The following ZNF93 variants were observed in gnomAD, a reference collection of about 807,000 sequenced individuals.
ZNF93 encodes zinc finger protein 93.
A neutral mutation model predicts 45.0 loss-of-function variants in ZNF93; 29 were observed. The observed-to-expected ratio is 0.64, with a 90% CI of 0.48 to 0.88. ZNF93 has a LOEUF of 0.88. Among genes scored for constraint, ZNF93 ranks in the 40% least tolerant of loss-of-function variants. ZNF93 has a pLI of 0.00. For missense variants in ZNF93, 578 were observed against 724.0 expected, an observed-to-expected ratio of 0.80 and a Z score of 2.31; for synonymous variants, 223 against 244.6, an observed-to-expected ratio of 0.91 and a Z score of 0.82.
intron 2 of ZNF93, 134 bp from the exon 3 acceptor site, chr19:19,916,426 A>C (rs1740037189): frequency 1.4e-6 from 1 of 719,954 alleles, no homozygotes; most frequent in Non-Finnish European, 2.2e-6. Flanking sequence ...AATATCTATA[A>C]ATTTCTGTTA....
At chr19:19,903,444 T>C (rs975262070) in intron 1 of ZNF93, among the ~76,000 whole-genome samples, 9 of 152,096 alleles carry the variant, frequency 5.9e-5, no homozygotes, top group South Asian at 2.1e-4. Context: ...TTAGGAAATA[T>C]TTTATTTTAG....
intron 3 of ZNF93, among the ~76,000 whole-genome samples, chr19:19,921,448 T>G (rs1431612347): frequency 1.3e-5 from 2 of 152,198 alleles, no homozygotes; most frequent in Admixed American, 1.3e-4. Flanking sequence ...TCTGTGGATG[T>G]CTGTTAGGTC....
chr19:19,922,022 C>A (rs1212779210), intron 3 of ZNF93, among the ~76,000 whole-genome samples: 1 of 152,166 alleles, frequency 6.6e-6, no homozygotes, highest in Admixed American at 6.5e-5. Context: ...TTCGTTGATG[C>A]AGTTTCTTCT....
rs1327427827 is a variant in ZNF93, at chr19:19,916,342, CCTGCTTTGGCCT to C, written c.131-216_131-205del. ...GGCCTCCCCCTGATCTCATGATCCA[CCTGCTTTGGCCT>C]CCCAAATTGCTGGGATCACAGGCGT... On this transcript the variant is annotated intron_variant, in intron 2 of 3. Coordinates refer to ENST00000343769, the MANE Select transcript of ZNF93 (RefSeq NM_031218.4). Among the ~76,000 whole-genome samples the C allele has an allele frequency of 1.2e-4, 19 of 152,282 alleles. No homozygotes were observed. The East Asian group carries it at 1.9e-3, about 15-fold the overall frequency.
intron 3 of ZNF93, among the ~76,000 whole-genome samples, chr19:19,923,551 G>T (rs1459113355): frequency 6.6e-6 from 1 of 152,194 alleles, no homozygotes; most frequent in Non-Finnish European, 1.5e-5. Context: ...TCCTTGAGCT[G>T]TGGTGGGCTC....
At chr19:19,913,840 T>A (rs966999556) in intron 1 of ZNF93, among the ~76,000 whole-genome samples, 6 of 152,262 alleles carry the variant, frequency 3.9e-5, no homozygotes, top group Admixed American at 3.3e-4. Flanking sequence ...AAAATGGCTT[T>A]TCTTCAGGTA....
rs2063366920 is a variant in ZNF93, at chr19:19,929,727, A to G, written c.227-3455A>G. ...GCCGAGGCGGGCGGATCACGAGGTCAGGAGATCGAGACCATCCCGGCTAAA... is the reference window on the plus strand; with the variant it reads ...GCCGAGGCGGGCGGATCACGAGGTCGGGAGATCGAGACCATCCCGGCTAAA... On this transcript the variant is annotated intron_variant, in intron 3 of 3. Coordinates refer to ENST00000343769, the MANE Select transcript of ZNF93 (RefSeq NM_031218.4). Among the ~76,000 whole-genome samples, 13 of 151,816 alleles carry G rather than the reference A, an allele frequency of 8.6e-5. No homozygotes were observed. In the South Asian group the frequency reaches 2.5e-3, roughly 29 times the overall value.
Position 19,934,828 on chromosome 19 carries a change from G to A in ZNF93, c.*10G>A, listed in dbSNP as rs780540631. ...TGGGGAGAAACCCTAGAAGTGTGAA[G>A]AATGTGGCAAAGCCTTCAAGTGGTC... On this transcript the variant is annotated 3_prime_UTR_variant, in exon 4 of 4. Coordinates refer to ENST00000343769, the MANE Select transcript of ZNF93 (RefSeq NM_031218.4). 5 of 1,588,032 alleles carry A rather than the reference G, an allele frequency of 3.1e-6. No homozygotes were observed. The South Asian group carries it at 5.8e-5, about 18-fold the overall frequency.
chr19:19,926,568 C>T (rs2063356825), intron 3 of ZNF93, among the ~76,000 whole-genome samples: 1 of 150,578 alleles, frequency 6.6e-6, no homozygotes, highest in African/African-American at 2.4e-5. Context: ...ACTGCAACCT[C>T]TGCCTCCGGG....
intron 1 of ZNF93, among the ~76,000 whole-genome samples, chr19:19,914,001 G>C (rs2063316877): frequency 6.7e-6 from 1 of 149,730 alleles, no homozygotes; most frequent in Non-Finnish European, 1.5e-5. Flanking sequence ...AAGGATCTTT[G>C]AAAAATATTT....
At chr19:19,907,057 TG>T (rs1321006324) in intron 1 of ZNF93, among the ~76,000 whole-genome samples, 3 of 151,710 alleles carry the variant, frequency 2.0e-5, no homozygotes, top group Non-Finnish European at 4.4e-5. Context: ...TATATATAGA[TG>T]TTTTTTCTGC....
At chr19:19,904,373 A>G (rs182057012) in intron 1 of ZNF93, among the ~76,000 whole-genome samples, 62 of 152,250 alleles carry the variant, frequency 4.1e-4, no homozygotes, top group African/African-American at 1.5e-3. Flanking sequence ...CATCTTATAT[A>G]TGAAACCAGT....
rs115974072 is a variant in ZNF93 at position 19,927,145 on chromosome 19, C to T, written c.227-6037C>T. 2.5e-3 allele frequency: 1,008 copies of T among 398,178 alleles called. 10 individuals are homozygous for T. Among genetic ancestry groups the T allele is most frequent in the African/African-American group, 0.019 (925 of 48,558 alleles). The allele number at this position is 398,178 out of a possible 1,614,324, so 24.7% of individuals were successfully genotyped here. A position where few individuals can be genotyped will look rare whatever the true frequency, so the allele number is the denominator to read the frequency against. ...TGGTTGTGGTGCTCATGTGTAATCC[C>T]AGGATTTTGGGAGGTCAAGCCAAGA... On this transcript the variant is annotated intron_variant, in intron 3 of 3. Transcript: ENST00000343769.
intron 3 of ZNF93, chr19:19,932,927 A>C: frequency 8.0e-6 from 2 of 249,178 alleles, no homozygotes; most frequent in Non-Finnish European, 1.5e-5. Flanking sequence ...AGCAGTAAAG[A>C]CATCTTCAAA....
At chr19:19,930,442 G>A (rs1249245787) in intron 3 of ZNF93, among the ~76,000 whole-genome samples, 2 of 152,138 alleles carry the variant, frequency 1.3e-5, no homozygotes, top group Non-Finnish European at 2.9e-5. Context: ...AGGTGGAGGA[G>A]TAGAGTCTTC....
chr19:19,934,731 A>T lies in ZNF93; in HGVS notation c.1776A>T (p.Pro592=), dbSNP rs1446257086. Residue 592 remains proline (P), a synonymous_variant, in exon 4 of 4, where the codon CCA becomes CCT. Transcript: ENST00000343769. The stretch of plus-strand genomic sequence containing the variant: ...AGAAAATCCATTCTGGAGAGAAACC[A>T]TACGAGTGTGATAAATGTGGCAAAG... ...SHKKIHSGEK[P]YECDKCGKAF... is the part of the protein sequence containing the mutation. 6.2e-7 allele frequency: 1 copy of T among 1,612,480 alleles called. No homozygotes were observed. The highest frequency in any genetic ancestry group is 1.3e-5 in the African/African-American group (1 of 74,750).
chr19:19,925,145 T>A (rs1240015561), intron 3 of ZNF93, among the ~76,000 whole-genome samples: 1 of 152,198 alleles, frequency 6.6e-6, no homozygotes, highest in African/African-American at 2.4e-5. Context: ...CTGAACTCTA[T>A]CCTGGGCTGT....
intron 3 of ZNF93, 106 bp downstream of exon 3, chr19:19,916,761 G>A (rs2063325620): frequency 3.8e-6 from 3 of 797,838 alleles, no homozygotes; most frequent in South Asian, 2.3e-5. Flanking sequence ...TGTTCCAAAG[G>A]AAATAGTTCC....
intron 3 of ZNF93, among the ~76,000 whole-genome samples, chr19:19,918,413 C>T (rs1417578094): frequency 3.9e-5 from 6 of 152,066 alleles, no homozygotes; most frequent in Non-Finnish European, 7.4e-5. Flanking sequence ...AATAAACATA[C>T]GTGTGCATGT....
Sources: allele counts gnomAD v4.1 joint callset (sites outside exome capture counted in the v4.1 genomes callset), GRCh38; gene constraint gnomAD v4.1.1; transcripts MANE v1.5; gene names NCBI Gene and HGNC (gene_info 2026-07-23, HGNC 2026-07-21).